The following TTC39B variants were observed in gnomAD, a reference collection of about 807,000 sequenced individuals.
TTC39B encodes tetratricopeptide repeat domain 39B.
In TTC39B, 92 loss-of-function variants were observed where a neutral mutation model predicts 96.6. The ratio of observed to expected loss-of-function variants is 0.95; its 90% CI spans 0.80 to 1.13. The LOEUF (loss-of-function observed/expected upper bound fraction) is 1.13, where lower values mean the gene tolerates loss of function less well. Ranked by LOEUF, TTC39B falls within the 50% of genes most tolerant of loss-of-function variation. The pLI is 0.00. For missense variants in TTC39B, 955 were observed against 809.3 expected (o/e 1.18, Z -2.18); for synonymous variants, 367 against 299.4 (o/e 1.23, Z -2.33).
intron 2 of TTC39B, among the ~76,000 whole-genome samples, chr9:15,231,599 C>T (rs1821425977): frequency 6.6e-6 from 1 of 152,062 alleles, no homozygotes. Context: ...TCACTAGGTA[C>T]AACTATTTTC....
At chr9:15,266,896 G>A (rs1394312342) in intron 2 of TTC39B, among the ~76,000 whole-genome samples, 2 of 152,204 alleles carry the variant, frequency 1.3e-5, no homozygotes, top group African/African-American at 2.4e-5. Context: ...TGGCTAACAT[G>A]GTGAAACCCC....
At chr9:15,291,423 T>G (rs1824185849) in intron 1 of TTC39B, among the ~76,000 whole-genome samples, 1 of 152,220 alleles carries the variant, frequency 6.6e-6, no homozygotes, top group African/African-American at 2.4e-5. Context: ...CCTTGCCATC[T>G]GCGATGATGG....
intron 2 of TTC39B, among the ~76,000 whole-genome samples, chr9:15,238,037 G>GA (rs1381207697): frequency 1.3e-5 from 2 of 152,054 alleles, no homozygotes; most frequent in Admixed American, 6.5e-5. Flanking sequence ...AATAGACACA[G>GA]AAAAAACAAC....
chr9:15,189,650 A>G lies in TTC39B; in HGVS notation c.1174-17T>C, dbSNP rs1564325822. 6.2e-7 allele frequency: 1 copy of G among 1,614,218 alleles called. No homozygotes were observed. On this transcript the variant is annotated splice_polypyrimidine_tract_variant and intron_variant, in intron 12 of 19. Coordinates refer to ENST00000512701, the Ensembl canonical transcript of TTC39B. ...GAGTGAGCCCTGCAGAGCAAGGAAG[A>G]AAACACACTGTTCAACAGTCAACAC...
chr9:15,251,430 C>T (rs1043806308), intron 2 of TTC39B, among the ~76,000 whole-genome samples: 3 of 151,552 alleles, frequency 2.0e-5, no homozygotes, highest in South Asian at 2.1e-4. Context: ...GGCGTGGTGG[C>T]GCATGCCTGT....
At chr9:15,182,183 A>G in intron 17 of TTC39B, 124 bp downstream of exon 17, 1 of 563,780 alleles carries the variant, frequency 1.8e-6, no homozygotes, top group South Asian at 2.8e-5. Context: ...AGACCCCTGC[A>G]GCTCAAGCTC....
intron 1 of TTC39B, among the ~76,000 whole-genome samples, chr9:15,302,839 C>A (rs777716583): frequency 1.8e-4 from 27 of 146,494 alleles, no homozygotes; most frequent in Non-Finnish European, 3.5e-4. Flanking sequence ...AGCAAAACTC[C>A]ATCCCCCACC....
chr9:15,183,269 A>C (rs1818338396), intron 16 of TTC39B: 5 of 384,816 alleles, frequency 1.3e-5, no homozygotes. Flanking sequence ...AGATCATGAC[A>C]CTCTACCTTC....
At chr9:15,295,204 G>T (rs182544685) in intron 1 of TTC39B, among the ~76,000 whole-genome samples, 60 of 152,234 alleles carry the variant, frequency 3.9e-4, no homozygotes, top group African/African-American at 1.4e-3. Context: ...CTCCATAAAA[G>T]GCATATAAAT....
In TTC39B at chr9:15,249,486, T is replaced by C. The variant is rs970132035; in HGVS notation, c.275+18428A>G. The C allele has an allele frequency of 3.3e-5, 5 of 153,002 alleles. No homozygotes were observed. The East Asian group carries it at 5.8e-4, about 18-fold the overall frequency. The allele number at this position is 153,002 out of a possible 1,614,324, so 9.5% of individuals were successfully genotyped here. On this transcript the variant is annotated intron_variant, in intron 2 of 19. Transcript: ENST00000512701. ...ATTACCCTAACAAAACAAAACAAAA[T>C]GCTATAATGAAACCAGCAGAGGACA...
chr9:15,183,361 T>C (rs780180292), intron 16 of TTC39B: 1 of 436,174 alleles, frequency 2.3e-6, no homozygotes, highest in South Asian at 1.7e-5. Context: ...TTGATGATGA[T>C]CTTTTAAAAA....
intron 1 of TTC39B, among the ~76,000 whole-genome samples, chr9:15,284,467 C>T (rs1823882178): frequency 6.6e-6 from 1 of 152,080 alleles, no homozygotes. Flanking sequence ...TAGAATTAGA[C>T]CCAAATGATC....
chr9:15,187,117 G>C (rs935927209), intron 14 of TTC39B, 82 bp from the exon 15 acceptor site: 5 of 965,582 alleles, frequency 5.2e-6, no homozygotes, highest in South Asian at 3.9e-5. Context: ...TGACCAACAA[G>C]TCTTCCAGAT....
At chr9:15,222,250 G>A (rs1820884929) in intron 3 of TTC39B, among the ~76,000 whole-genome samples, 1 of 152,160 alleles carries the variant, frequency 6.6e-6, no homozygotes, top group African/African-American at 2.4e-5. Context: ...AATAACAGCT[G>A]GGAAATCTGT....
chr9:15,176,246 A>G (rs1385976010), intron 18 of TTC39B, among the ~76,000 whole-genome samples: 1 of 152,236 alleles, frequency 6.6e-6, no homozygotes, highest in Non-Finnish European at 1.5e-5. Context: ...ATCCACAATT[A>G]TAAAGCACAT....
chr9:15,295,687 C>T (rs1167719263), intron 1 of TTC39B, among the ~76,000 whole-genome samples: 1 of 152,148 alleles, frequency 6.6e-6, no homozygotes, highest in Non-Finnish European at 1.5e-5. Flanking sequence ...TTCTATGTGT[C>T]AGGTGCTTTA....
chr9:15,285,621 G>A (rs1026407568), intron 1 of TTC39B, among the ~76,000 whole-genome samples: 2 of 152,166 alleles, frequency 1.3e-5, no homozygotes, highest in South Asian at 4.1e-4. Flanking sequence ...TCGGGAGGCC[G>A]AGGCGGGCGG....
intron 5 of TTC39B, 44 bp from the exon 6 acceptor site, chr9:15,210,208 A>C (rs766011732): frequency 3.7e-6 from 5 of 1,346,604 alleles, no homozygotes; most frequent in Non-Finnish European, 5.2e-6. Flanking sequence ...TAGAAAAAAA[A>C]AATCAGGCTG....
At chr9:15,244,759 A>ACG (rs1175691282) in intron 2 of TTC39B, among the ~76,000 whole-genome samples, 10 of 152,214 alleles carry the variant, frequency 6.6e-5, no homozygotes, top group African/African-American at 2.4e-4. Context: ...GCATCGCTCC[A>ACG]CGTTGGAATG....
Sources: allele counts gnomAD v4.1 joint callset (sites outside exome capture counted in the v4.1 genomes callset), GRCh38; gene constraint gnomAD v4.1.1; transcripts MANE v1.5; gene names NCBI Gene and HGNC (gene_info 2026-07-23, HGNC 2026-07-21).